Variants in LRRC23 observed in about 807,000 individuals in gnomAD.
LRRC23 encodes leucine-rich repeat-containing protein 23.
In LRRC23, 28 loss-of-function variants were observed where a neutral mutation model predicts 37.7. That is an observed-to-expected ratio of 0.74 (90% CI 0.55 to 1.02). The LOEUF (loss-of-function observed/expected upper bound fraction) is 1.02. Ranked by LOEUF, LRRC23 falls within the 50% of genes least tolerant of loss-of-function variation. The pLI is 0.00. For synonymous variants in LRRC23, 161 were observed against 165.4 expected (o/e 0.97, Z 0.20); for missense variants, 377 against 413.2 (o/e 0.91, Z 0.76).
chr12:6,909,852 C>G, intron 5 of LRRC23, 38 bp from the exon 6 acceptor site: 1 of 1,580,594 alleles, frequency 6.3e-7, no homozygotes, highest in Non-Finnish European at 8.6e-7. Flanking sequence ...CCTATCCCTG[C>G]TCCCTCTCAA....
chr12:6,905,624 G>A lies in LRRC23; in HGVS notation c.-10G>A, dbSNP rs1944922361. 2 of 1,613,500 alleles carry A rather than the reference G, an allele frequency of 1.2e-6. No individual in the cohort carries two copies. Among genetic ancestry groups the A allele is most frequent in the Non-Finnish European group, 1.7e-6 (2 of 1,179,792 alleles). On this transcript the variant is annotated 5_prime_UTR_variant, in exon 2 of 8. Transcript: ENST00000443597. ...TTATCTGACTCCAGAGCTTTCAGGA[G>A]GGAAGAAAGATGTCAGATGAAGATG...
At chr12:6,913,420 A>G (rs1431435965) in intron 7 of LRRC23, among the ~76,000 whole-genome samples, 2 of 151,930 alleles carry the variant, frequency 1.3e-5, no homozygotes, top group Admixed American at 6.6e-5. Context: ...GATCCAGCAC[A>G]AAAAATCTGA....
rs138647132 is a variant in LRRC23, at chr12:6,912,905, C to A, written c.934C>A (p.Arg312=). The change falls in exon 7 of 8, where the codon CGG becomes AGG. Residue 312 remains arginine, a synonymous_variant. Coordinates refer to ENST00000443597, the MANE Select transcript of LRRC23 (RefSeq NM_001135217.2). ...CAAGGAATTCTATGAGGAGGAGGAACGGGCTGAGGCTGATGTGATTCGACA... is the reference window on the plus strand; with the variant it reads ...CAAGGAATTCTATGAGGAGGAGGAAAGGGCTGAGGCTGATGTGATTCGACA... ...LDKEFYEEEE[R]AEADVIRQRL... 3 of 1,614,066 alleles carry A rather than the reference C, an allele frequency of 1.9e-6. No homozygotes were observed. Among genetic ancestry groups the A allele is most frequent in the Middle Eastern group, 1.6e-4 (1 of 6,062 alleles).
At chr12:6,908,265 C>T (rs11835068) in intron 5 of LRRC23, among the ~76,000 whole-genome samples, 6,076 of 152,032 alleles carry the variant, frequency 0.04, 377 homozygotes, top group East Asian at 0.21. Context: ...TTCCTTCCCC[C>T]AGGAAACTGG....
rs782749512 is a variant in LRRC23, at chr12:6,909,918, G to C, written c.650G>C (p.Gly217Ala). The C allele has an allele frequency of 3.1e-6, 5 of 1,613,444 alleles. No individual in the cohort carries two copies. The highest frequency in any genetic ancestry group is 2.2e-5 in the East Asian group (1 of 44,840). ...LAQNMLKKVE[G>A]LEDLSNLTTL... is the part of the protein sequence containing the mutation. ...CAAAACATGCTGAAGAAGGTGGAAG[G>C]CTTGGAGGATCTGAGCAATCTCACC... Residue 217 changes from glycine to alanine, a missense_variant, in exon 6 of 8, where the codon GGC becomes GCC. By Grantham distance (60) the Gly-to-Ala change is moderately conservative. This residue lies in a region of LRRC23 where 266 missense variants were observed against 285.6 expected (regional missense o/e 0.93). Transcript: ENST00000443597.
intron 5 of LRRC23, among the ~76,000 whole-genome samples, chr12:6,908,835 A>AG (rs1360232144): frequency 1.4e-5 from 2 of 144,310 alleles, no homozygotes; most frequent in East Asian, 2.0e-4. Context: ...AAAAAAAAAA[A>AG]AGAAAGAATC....
rs190872067 is a variant in LRRC23 at position 6,905,380 on chromosome 12, G to C, written c.-49-205G>C. On this transcript the variant is annotated intron_variant, in intron 1 of 7. Transcript: ENST00000443597. ...ACTGTGAAGGACAGGAAAGGCCTGG[G>C]GGTGTGGGTGACATCCTGAAGGGAG... The C allele has an allele frequency of 1.5e-3, 563 of 378,048 alleles. 2 individuals are homozygous for C. Among genetic ancestry groups the C allele is most frequent in the African/African-American group, 9.5e-3 (457 of 47,874 alleles). The allele number at this position is 378,048 out of a possible 1,614,324, so 23.4% of individuals were successfully genotyped here.
At position 6,913,982 on chromosome 12, in the gene LRRC23, C is replaced by G. The variant is rs782227099; in HGVS notation, c.*116C>G. ...AGAACAGAGGATGCCTGTTTTTGCC[C>G]CAAAGCTGGAAATTCATCACAACCT... On this transcript the variant is annotated 3_prime_UTR_variant, in exon 8 of 8. Transcript: ENST00000443597. 3 of 1,613,766 alleles carry G rather than the reference C, an allele frequency of 1.9e-6. No homozygotes were observed. Among genetic ancestry groups the G allele is most frequent in the Non-Finnish European group, 2.5e-6 (3 of 1,179,844 alleles).
chr12:6,907,821 G>A (rs939958349), intron 5 of LRRC23: 76 of 419,238 alleles, frequency 1.8e-4, no homozygotes, highest in South Asian at 1.8e-3. Flanking sequence ...AAAGGTGTGG[G>A]GGTTTCTCCC....
Position 6,909,928 on chromosome 12 carries a change from T to G in LRRC23, c.660T>G (p.Asp220Glu). ...NMLKKVEGLE[D>E]LSNLTTLHLR... Reference sequence around the variant, plus strand: ...TGAAGAAGGTGGAAGGCTTGGAGGATCTGAGCAATCTCACCACCTTGCATC... The same window carrying G: ...TGAAGAAGGTGGAAGGCTTGGAGGAGCTGAGCAATCTCACCACCTTGCATC... Residue 220 changes from aspartate to glutamate, a missense_variant, in exon 6 of 8, where the codon GAT becomes GAG. By Grantham distance (45) the Asp-to-Glu change is conservative. Coordinates refer to ENST00000443597, the MANE Select transcript of LRRC23 (RefSeq NM_001135217.2). 6.2e-7 allele frequency: 1 copy of G among 1,613,860 alleles called. No homozygotes were observed.
At chr12:6,909,079 TTA>T (rs1555140159) in intron 5 of LRRC23, among the ~76,000 whole-genome samples, 1 of 34,536 alleles carries the variant, frequency 2.9e-5, no homozygotes, top group Non-Finnish European at 4.1e-5. Flanking sequence ...ATATTATATA[TTA>T]TATAATTATA....
At chr12:6,909,783 CCCT>C in intron 5 of LRRC23, 104 bp from the exon 6 acceptor site, 1 of 1,052,490 alleles carries the variant, frequency 9.5e-7, no homozygotes. Flanking sequence ...TTCCACTCCT[CCCT>C]CTCTACCTCT....
In LRRC23 at chr12:6,905,872, A is replaced by C. The variant is rs1471707113; in HGVS notation, c.154A>C (p.Met52Leu). The C allele has an allele frequency of 3.1e-6, 5 of 1,614,000 alleles. No individual in the cohort carries two copies. Among genetic ancestry groups the C allele is most frequent in the Admixed American group, 1.7e-5 (1 of 59,994 alleles). ...EWLPTPLTED[M>L]MKEGLSLLCK... ...GCTGCCCACCCCCCTCACGGAGGAC[A>C]TGATGAAGGAAGGGCTTTCTCTGCT... Residue 52 changes from methionine (M) to leucine (L), a missense_variant, in exon 3 of 8, where the codon ATG (methionine) becomes CTG (leucine). Met to Leu is a conservative substitution (Grantham distance 15, BLOSUM62 2). Around this residue, in one of 3 missense-constraint regions of LRRC23, gnomAD observed 106 missense variants for 105.9 expected, o/e 1.00. Transcript: ENST00000443597.
At chr12:6,909,031 TATTATATATTATATA>T (rs1339341544) in intron 5 of LRRC23, among the ~76,000 whole-genome samples, 16 of 93,066 alleles carry the variant, frequency 1.7e-4, no homozygotes, top group Non-Finnish European at 3.1e-4. Context: ...CCGATATATA[TATTATATATTATATA>T]ATTATATATT....
In LRRC23 at chr12:6,914,099, G is replaced by A. The variant is rs782272049; in HGVS notation, c.*233G>A. 7 of 1,512,568 alleles carry A rather than the reference G, an allele frequency of 4.6e-6. No individual in the cohort carries two copies. The highest frequency in any genetic ancestry group is 1.3e-5 in the South Asian group (1 of 74,962). 93.7% of individuals were successfully genotyped at this position (1,512,568 alleles called of 1,614,324 possible). ...CTGAGCGTTGCCTGGAGCCTAGGCC[G>A]GGGGCCGCCCTCGGGCAGGCGTGGG... On this transcript the variant is annotated 3_prime_UTR_variant, in exon 8 of 8. Coordinates refer to ENST00000443597, the MANE Select transcript of LRRC23 (RefSeq NM_001135217.2). The surrounding 1 kb of genome is among the most constrained non-coding windows in gnomAD (Gnocchi z 7.1).
Position 6,909,103 on chromosome 12 carries a change from A to AATATATATTATATAT in LRRC23, c.622-787_622-786insATATATATTATATAT, listed in dbSNP as rs1565553409. On this transcript the variant is annotated intron_variant, in intron 5 of 7. Transcript: ENST00000443597. ...ATTATATAATTATATATTATATATA[A>AATATATATTATATAT]TATATAATTACATATAATATATAAT... 6.5e-4 allele frequency among the ~76,000 whole-genome samples: 20 copies of AATATATATTATATAT among 31,000 alleles called. 1 individual carries two copies. The highest frequency in any genetic ancestry group is 8.4e-4 in the South Asian group (1 of 1,190). 20.3% of individuals were successfully genotyped at this position (31,000 alleles called of 152,430 possible).
intron 3 of LRRC23, 109 bp downstream of exon 3, chr12:6,906,063 T>C: frequency 1.0e-6 from 1 of 972,152 alleles, no homozygotes; most frequent in African/African-American, 1.6e-5. Context: ...TTCTCATGCC[T>C]AGTGGAAAGG....
At position 6,914,049 on chromosome 12, in the gene LRRC23, G is replaced by A. The variant is rs1026995401; in HGVS notation, c.*183G>A. On this transcript the variant is annotated 3_prime_UTR_variant, in exon 8 of 8. Transcript: ENST00000443597. The surrounding 1 kb of genome is among the most constrained non-coding windows in gnomAD (Gnocchi z 7.1). ...TCTGTGCCGGTCCTCTGGGCAGTGT[G>A]GGGTGCAGAATGGGGTGCCTAGGCC... is the stretch of plus-strand genomic sequence containing the variant. 1.9e-6 allele frequency: 3 copies of A among 1,601,170 alleles called. No homozygotes were observed. Among genetic ancestry groups the A allele is most frequent in the Non-Finnish European group, 2.6e-6 (3 of 1,174,626 alleles).
chr12:6,914,103 G>A lies in LRRC23; in HGVS notation c.*237G>A. On this transcript the variant is annotated 3_prime_UTR_variant, in exon 8 of 8. Transcript: ENST00000443597. This position sits in a 1 kb window ranked among gnomAD's most constrained non-coding sequence, Gnocchi z 7.1. ...GCGTTGCCTGGAGCCTAGGCCGGGG[G>A]CCGCCCTCGGGCAGGCGTGGGTGAG... 3 of 1,514,956 alleles carry A rather than the reference G, an allele frequency of 2.0e-6. No individual in the cohort carries two copies. The highest frequency in any genetic ancestry group is 2.6e-6 in the Non-Finnish European group (3 of 1,134,330). The allele number at this position is 1,514,956 out of a possible 1,614,324, so 93.8% of individuals were successfully genotyped here.
Sources: gnomAD v4.1 joint callset for allele counts (sites outside exome capture counted in the v4.1 genomes callset) on GRCh38, gnomAD v4.1.1 for gene constraint, gnomAD v4.1.1 regional missense constraint, Gnocchi (gnomAD v3.1) non-coding constraint, MANE v1.5 for transcripts, NCBI Gene and HGNC (gene_info 2026-07-23, HGNC 2026-07-21) for gene names.